The following SGCD variants were observed in gnomAD, a reference collection of about 807,000 sequenced individuals.
The protein encoded by SGCD is sarcoglycan delta, also known as delta-sarcoglycan.
Under a neutral mutation model 36.6 loss-of-function variants are expected in SGCD, and 18 were observed. The observed-to-expected ratio is 0.49, with a 90% CI of 0.34 to 0.73. The LOEUF is 0.73. Among genes scored for constraint, SGCD ranks in the 30% least tolerant of loss-of-function variants. SGCD has a pLI of 0.01. For synonymous variants in SGCD, 133 were observed against 130.6 expected (o/e 1.02, Z -0.12); for missense variants, 387 against 346.7 (o/e 1.12, Z -0.92).
chr5:156,104,909 G>T (rs1275338770), intron 1 of SGCD, among the ~76,000 whole-genome samples: 2 of 151,976 alleles, frequency 1.3e-5, no homozygotes, highest in Non-Finnish European at 2.9e-5. Context: ...TGGAAAGCAG[G>T]ATACAGAGAA....
At chr5:156,424,335 A>G (rs1007566484) in intron 3 of SGCD, among the ~76,000 whole-genome samples, 1 of 152,026 alleles carries the variant, frequency 6.6e-6, no homozygotes, top group Non-Finnish European at 1.5e-5. Flanking sequence ...ACACACCAAC[A>G]CATTTTACCC....
At chr5:156,589,690 G>A (rs1336905489) in intron 5 of SGCD, among the ~76,000 whole-genome samples, 1 of 152,184 alleles carries the variant, frequency 6.6e-6, no homozygotes, top group Non-Finnish European at 1.5e-5. Flanking sequence ...GAAGAATGCA[G>A]TATCTATAAA....
chr5:156,083,963 C>T (rs551984505), intron 1 of SGCD, among the ~76,000 whole-genome samples: 1 of 152,132 alleles, frequency 6.6e-6, no homozygotes, highest in East Asian at 1.9e-4. Context: ...ATCTATGTGC[C>T]TATCTCCCCA....
chr5:155,832,723 A>G, the SGCD span, among the ~76,000 whole-genome samples: 1 of 152,188 alleles, frequency 6.6e-6, no homozygotes, highest in Non-Finnish European at 1.5e-5. Flanking sequence ...TTGTTGAGTG[A>G]GTGAGTGAAA....
chr5:156,107,679 C>A (rs912936099), intron 1 of SGCD, among the ~76,000 whole-genome samples: 1 of 152,052 alleles, frequency 6.6e-6, no homozygotes, highest in African/African-American at 2.4e-5. Flanking sequence ...AGTAGTTGAT[C>A]TTTGTTTTTT....
At chr5:155,881,658 A>G (rs1241175189) in intron 1 of SGCD, among the ~76,000 whole-genome samples, 1 of 152,210 alleles carries the variant, frequency 6.6e-6, no homozygotes, top group Non-Finnish European at 1.5e-5. Context: ...TCCTTTCACG[A>G]AAGATTTCTC....
chr5:156,287,935 A>G (rs963347000), intron 3 of SGCD, among the ~76,000 whole-genome samples: 2 of 152,098 alleles, frequency 1.3e-5, no homozygotes, highest in African/African-American at 4.8e-5. Context: ...AATATATGCC[A>G]AGTGCCAGGT....
chr5:155,770,403 G>C, the SGCD span, among the ~76,000 whole-genome samples: 1 of 152,050 alleles, frequency 6.6e-6, no homozygotes, highest in Non-Finnish European at 1.5e-5. Flanking sequence ...CAGGAAGATG[G>C]AATATCGCAT....
rs564866919 is a variant in SGCD at position 156,055,134 on chromosome 5, G to C, written c.-281-62744G>C. On this transcript the variant is annotated intron_variant, in intron 1 of 9. Transcript: ENST00000517913. ...CAATTCTTTGCCTATAGCAGTGCCA[G>C]CTTCCAGTTTTCTATTTTTTTTTTT... Among the ~76,000 whole-genome samples the C allele has an allele frequency of 1.0e-3, 144 of 137,344 alleles. 27 individuals are homozygous for C. Among genetic ancestry groups the C allele is most frequent in the Non-Finnish European group, 2.0e-3 (130 of 64,162 alleles). The allele number at this position is 137,344 out of a possible 152,430, so 90.1% of individuals were successfully genotyped here. A position where few individuals can be genotyped will look rare whatever the true frequency, so the allele number is the denominator to read the frequency against.
intron 7 of SGCD, among the ~76,000 whole-genome samples, chr5:156,678,996 T>C (rs1434623108): frequency 1.3e-5 from 2 of 152,210 alleles, no homozygotes; most frequent in Non-Finnish European, 2.9e-5. Flanking sequence ...AAAGTTCAGA[T>C]GAGTCTGTGA....
At chr5:156,447,868 G>A (rs1318408170) in intron 3 of SGCD, among the ~76,000 whole-genome samples, 2 of 152,204 alleles carry the variant, frequency 1.3e-5, no homozygotes, top group Non-Finnish European at 1.5e-5. Context: ...CAGGTGCTGT[G>A]CTAAGTGCTT....
intron 3 of SGCD, among the ~76,000 whole-genome samples, chr5:156,505,473 C>G (rs959516812): frequency 7.2e-5 from 11 of 152,110 alleles, no homozygotes; most frequent in Non-Finnish European, 1.5e-4. Flanking sequence ...GTATACAGCA[C>G]AATAGCAATG....
chr5:156,252,044 T>C (rs1896631), intron 3 of SGCD, among the ~76,000 whole-genome samples: 9,740 of 152,094 alleles, frequency 0.064, 984 homozygotes, highest in African/African-American at 0.21. Flanking sequence ...ACTAATGTAG[T>C]ACTCATTTTG....
chr5:155,850,755 C>G, the SGCD span, among the ~76,000 whole-genome samples: 3 of 152,300 alleles, frequency 2.0e-5, no homozygotes, highest in African/African-American at 7.2e-5. Context: ...TTCCCTTGCC[C>G]TTGACCTTCT....
chr5:156,405,162 A>G (rs1367449820), intron 3 of SGCD, among the ~76,000 whole-genome samples: 4 of 152,180 alleles, frequency 2.6e-5, no homozygotes, highest in African/African-American at 9.6e-5. Context: ...AGTGGTCCCC[A>G]GGCACCAACT....
intron 3 of SGCD, among the ~76,000 whole-genome samples, chr5:156,406,958 G>A (rs897983192): frequency 6.6e-6 from 1 of 151,664 alleles, no homozygotes; most frequent in African/African-American, 2.4e-5. Context: ...TCTCAAAACT[G>A]AAGAACTTAG....
intron 3 of SGCD, among the ~76,000 whole-genome samples, chr5:156,360,614 C>T (rs183581279): frequency 5.3e-5 from 8 of 152,172 alleles, no homozygotes; most frequent in African/African-American, 1.9e-4. Context: ...CCAATCAGCA[C>T]ACACTTCCCA....
intron 3 of SGCD, among the ~76,000 whole-genome samples, chr5:156,366,121 T>G (rs1770092054): frequency 6.6e-6 from 1 of 152,220 alleles, no homozygotes; most frequent in Non-Finnish European, 1.5e-5. Flanking sequence ...ATTCAGTCAG[T>G]GCCCCCATGG....
intron 1 of SGCD, among the ~76,000 whole-genome samples, chr5:155,993,954 C>A (rs1387518862): frequency 1.3e-5 from 2 of 152,132 alleles, no homozygotes; most frequent in Non-Finnish European, 2.9e-5. Flanking sequence ...GTTTCCACCG[C>A]TAGATGGGAA....
Sources: allele counts gnomAD v4.1 joint callset (sites outside exome capture counted in the v4.1 genomes callset), GRCh38; gene constraint gnomAD v4.1.1; transcripts MANE v1.5; gene names NCBI Gene and HGNC (gene_info 2026-07-23, HGNC 2026-07-21).